Variants in PGR observed in about 807,000 individuals in gnomAD.
PGR encodes the protein nuclear receptor subfamily 3 group C member 3.
Under a neutral mutation model 76.1 loss-of-function variants are expected in PGR, and 25 were observed. The ratio of observed to expected loss-of-function variants is 0.33; its 90% CI spans 0.24 to 0.46. The LOEUF (loss-of-function observed/expected upper bound fraction) is 0.46, where lower values mean the gene tolerates loss of function less well. Ranked by LOEUF, PGR falls within the 20% of genes least tolerant of loss-of-function variation. The pLI, the probability that PGR is intolerant of heterozygous loss-of-function variation, is 1.00. For missense variants in PGR, 1,172 were observed against 1,225.3 expected (o/e 0.96, Z 0.65); for synonymous variants, 579 against 535.0 (o/e 1.08, Z -1.14).
At chr11:101,075,296 T>C (rs1484303610) in intron 3 of PGR, among the ~76,000 whole-genome samples, 2 of 152,288 alleles carry the variant, frequency 1.3e-5, no homozygotes, top group East Asian at 3.9e-4. Context: ...GACCCCTTCC[T>C]TACACCTTAT....
intron 3 of PGR, among the ~76,000 whole-genome samples, chr11:101,067,073 T>C (rs751567935): frequency 3.9e-5 from 6 of 152,162 alleles, no homozygotes; most frequent in Non-Finnish European, 8.8e-5. Context: ...ATAGATGGTC[T>C]CTCTTCTATT....
At chr11:101,044,868 G>A (rs368119810) in intron 6 of PGR, among the ~76,000 whole-genome samples, 1 of 151,908 alleles carries the variant, frequency 6.6e-6, no homozygotes, top group African/African-American at 2.4e-5. Flanking sequence ...CATCATGTCC[G>A]ACTAATTTTT....
chr11:101,070,540 A>T (rs559786651), intron 3 of PGR, among the ~76,000 whole-genome samples: 1 of 152,216 alleles, frequency 6.6e-6, no homozygotes, highest in Non-Finnish European at 1.5e-5. Context: ...AGCAGATACC[A>T]TCCCCACAGA....
chr11:101,094,314 A>G (rs1433920559), intron 2 of PGR, among the ~76,000 whole-genome samples: 1 of 152,204 alleles, frequency 6.6e-6, no homozygotes, highest in Non-Finnish European at 1.5e-5. Flanking sequence ...TAACATCATC[A>G]AATATTTTTT....
At chr11:101,070,390 TG>T (rs1380036173) in intron 3 of PGR, among the ~76,000 whole-genome samples, 1 of 152,070 alleles carries the variant, frequency 6.6e-6, no homozygotes, top group Non-Finnish European at 1.5e-5. Flanking sequence ...AGCACAAAAC[TG>T]GGCAGCCATT....
intron 6 of PGR, 72 bp from the exon 7 acceptor site, chr11:101,042,174 C>A: frequency 1.4e-6 from 2 of 1,471,634 alleles, no homozygotes; most frequent in South Asian, 1.2e-5. Flanking sequence ...ACATATATTT[C>A]TGAGCTATAT....
chr11:101,095,407 C>T (rs1443726652), intron 2 of PGR, among the ~76,000 whole-genome samples: 4 of 152,180 alleles, frequency 2.6e-5, no homozygotes, highest in Non-Finnish European at 5.9e-5. Flanking sequence ...AAAAGAACAA[C>T]AGACAATTAT....
intron 2 of PGR, among the ~76,000 whole-genome samples, chr11:101,104,027 T>C (rs541879566): frequency 2.6e-5 from 4 of 152,262 alleles, no homozygotes; most frequent in African/African-American, 9.6e-5. Context: ...TATAGCACCA[T>C]AACAGACACA....
At chr11:101,122,463 C>T (rs1468865740) in intron 2 of PGR, among the ~76,000 whole-genome samples, 1 of 152,192 alleles carries the variant, frequency 6.6e-6, no homozygotes, top group Non-Finnish European at 1.5e-5. Flanking sequence ...TCCTTTCCTT[C>T]ATCATACCAG....
intron 2 of PGR, among the ~76,000 whole-genome samples, chr11:101,111,764 TG>T (rs1862352162): frequency 6.6e-6 from 1 of 152,178 alleles, no homozygotes; most frequent in African/African-American, 2.4e-5. Context: ...ATATTCAGTC[TG>T]GAGTTCAGGG....
intron 3 of PGR, among the ~76,000 whole-genome samples, chr11:101,073,676 A>C (rs905515066): frequency 5.9e-5 from 9 of 152,190 alleles, no homozygotes; most frequent in African/African-American, 7.2e-5. Context: ...AGAAATACAA[A>C]CTACCATCAG....
intron 6 of PGR, among the ~76,000 whole-genome samples, chr11:101,048,356 G>A (rs548616170): frequency 2.6e-5 from 4 of 152,226 alleles, no homozygotes; most frequent in East Asian, 1.9e-4. Flanking sequence ...AATTGCAGTC[G>A]TGTATCACTT....
intron 2 of PGR, among the ~76,000 whole-genome samples, chr11:101,109,186 C>T (rs1862268457): frequency 6.6e-6 from 1 of 152,132 alleles, no homozygotes; most frequent in South Asian, 2.1e-4. Flanking sequence ...GAAATCAGGC[C>T]AATTAACAAC....
chr11:101,086,012 C>A (rs1364868321), intron 3 of PGR, among the ~76,000 whole-genome samples: 1 of 152,102 alleles, frequency 6.6e-6, no homozygotes, highest in Non-Finnish European at 1.5e-5. Flanking sequence ...TAAATTCTAC[C>A]AGATGCACAA....
Position 101,119,959 on chromosome 11 carries a change from A to G in PGR, c.1789+6048T>C, listed in dbSNP as rs114980879. Among the ~76,000 whole-genome samples, 1,230 of 152,314 alleles carry G rather than the reference A, an allele frequency of 8.1e-3. 17 individuals are homozygous for G. The highest frequency in any genetic ancestry group is 0.026 in the African/African-American group (1,086 of 41,572). Reference sequence around the variant, plus strand: ...AGATACTAACAGAACCTCCACCTCAAAGGACTCTTACAAGGATTAATTGAG... The same window carrying G: ...AGATACTAACAGAACCTCCACCTCAGAGGACTCTTACAAGGATTAATTGAG... On this transcript the variant is annotated intron_variant, in intron 2 of 7. Transcript: ENST00000325455.
intron 3 of PGR, among the ~76,000 whole-genome samples, chr11:101,079,267 T>C (rs1487816190): frequency 6.6e-6 from 1 of 152,020 alleles, no homozygotes; most frequent in Non-Finnish European, 1.5e-5. Flanking sequence ...AAGGCAAAAA[T>C]TGACAAATGG....
At chr11:101,058,389 C>T (rs556504542) in intron 4 of PGR, among the ~76,000 whole-genome samples, 9 of 152,142 alleles carry the variant, frequency 5.9e-5, no homozygotes, top group Admixed American at 3.9e-4. Context: ...TCTTCTGATT[C>T]GGGAAGGAAG....
In PGR at chr11:101,038,222, T is replaced by C. The variant is rs1257467725; in HGVS notation, c.*894A>G. On this transcript the variant is annotated 3_prime_UTR_variant, in exon 8 of 8. Transcript: ENST00000325455. The stretch of plus-strand genomic sequence containing the variant: ...TTCCTTTGATTTGAAAAGATGTTAA[T>C]AAGCTCTGACCCAAAGGAGCAATTG... 7 of 193,602 alleles carry C rather than the reference T, an allele frequency of 3.6e-5. No homozygotes were observed. Among genetic ancestry groups the C allele is most frequent in the Non-Finnish European group, 7.5e-5 (7 of 92,860 alleles). 12.0% of individuals were successfully genotyped at this position (193,602 alleles called of 1,614,324 possible).
intron 2 of PGR, among the ~76,000 whole-genome samples, chr11:101,117,981 G>T (rs1439420960): frequency 6.6e-6 from 1 of 152,110 alleles, no homozygotes; most frequent in East Asian, 1.9e-4. Context: ...GACAACTCTT[G>T]GTACTTTCCT....
Sources: gnomAD v4.1 joint callset for allele counts (sites outside exome capture counted in the v4.1 genomes callset) on GRCh38, gnomAD v4.1.1 for gene constraint, MANE v1.5 for transcripts, NCBI Gene and HGNC (gene_info 2026-07-23, HGNC 2026-07-21) for gene names.